Variants in CDH8 observed in about 807,000 individuals in gnomAD.
The protein encoded by CDH8 is cadherin-8.
A neutral mutation model predicts 68.1 loss-of-function variants in CDH8; 17 were observed. That is an observed-to-expected ratio of 0.25 (90% confidence interval 0.17 to 0.37). The LOEUF (loss-of-function observed/expected upper bound fraction) is 0.37. Ranked by LOEUF, CDH8 falls within the 10% of genes least tolerant of loss-of-function variation. CDH8 has a pLI of 1.00. For synonymous variants in CDH8, 372 were observed against 365.1 expected, an observed-to-expected ratio of 1.02 and a Z score of -0.21; for missense variants, 763 against 999.3, an observed-to-expected ratio of 0.76 and a Z score of 3.19.
intron 8 of CDH8, among the ~76,000 whole-genome samples, chr16:61,728,725 T>C (rs1370233847): frequency 6.6e-6 from 1 of 151,128 alleles, no homozygotes; most frequent in Non-Finnish European, 1.5e-5. Context: ...TACTTCCGTT[T>C]TCCAGCCTGA....
At chr16:61,901,143 C>T (rs1209380400) in intron 3 of CDH8, 36 bp downstream of exon 3, 2 of 1,573,460 alleles carry the variant, frequency 1.3e-6, no homozygotes, top group Admixed American at 1.7e-5. Context: ...CTAAAGATGA[C>T]TTTTAATAGA....
chr16:61,884,697 T>C (rs1470085316), intron 3 of CDH8, among the ~76,000 whole-genome samples: 2 of 152,164 alleles, frequency 1.3e-5, no homozygotes, highest in Non-Finnish European at 2.9e-5. Flanking sequence ...TTGACAACAT[T>C]GCCTTCTATT....
At chr16:61,989,443 T>C (rs910522305) in intron 2 of CDH8, among the ~76,000 whole-genome samples, 1 of 152,150 alleles carries the variant, frequency 6.6e-6, no homozygotes, top group Non-Finnish European at 1.5e-5. Context: ...ACATTGAGAT[T>C]CACCGTAACT....
At chr16:62,033,879 T>A (rs913150672) in intron 1 of CDH8, among the ~76,000 whole-genome samples, 4 of 145,434 alleles carry the variant, frequency 2.8e-5, no homozygotes, top group Non-Finnish European at 6.0e-5. Context: ...AAAAAAAAAA[T>A]CAAAGGCGAT....
intron 3 of CDH8, among the ~76,000 whole-genome samples, chr16:61,866,471 G>A (rs538956508): frequency 1.1e-4 from 16 of 151,784 alleles, no homozygotes; most frequent in Non-Finnish European, 2.1e-4. Context: ...GTATTTTCTC[G>A]AAGGCAGCAT....
intron 8 of CDH8, among the ~76,000 whole-genome samples, chr16:61,761,237 T>C (rs1318045126): frequency 6.6e-6 from 1 of 152,206 alleles, no homozygotes; most frequent in Non-Finnish European, 1.5e-5. Flanking sequence ...CCAATTTCAG[T>C]GTTTCAAACA....
At chr16:61,924,972 G>A (rs1290581040) in intron 2 of CDH8, among the ~76,000 whole-genome samples, 4 of 152,174 alleles carry the variant, frequency 2.6e-5, no homozygotes, top group Admixed American at 1.3e-4. Context: ...CAACCAGGTA[G>A]AGGGTGTTAC....
At chr16:62,011,039 A>T (rs1187645599) in intron 2 of CDH8, among the ~76,000 whole-genome samples, 17 of 146,954 alleles carry the variant, frequency 1.2e-4, no homozygotes, top group African/African-American at 3.2e-4. Context: ...CACAGAAAAA[A>T]AAATAAATAA....
intron 2 of CDH8, among the ~76,000 whole-genome samples, chr16:61,982,251 G>T (rs1449793413): frequency 6.6e-6 from 1 of 151,626 alleles, no homozygotes; most frequent in African/African-American, 2.4e-5. Flanking sequence ...ACAGAGTCTC[G>T]CTCTATCGCC....
intron 10 of CDH8, among the ~76,000 whole-genome samples, chr16:61,710,130 G>A (rs893732138): frequency 6.6e-6 from 1 of 152,096 alleles, no homozygotes. Flanking sequence ...GCCAGGCATT[G>A]TGCCAATTGA....
chr16:61,862,028 G>A (rs1399463990), intron 3 of CDH8, among the ~76,000 whole-genome samples: 1 of 151,738 alleles, frequency 6.6e-6, no homozygotes, highest in Non-Finnish European at 1.5e-5. Context: ...TAAATTTGGG[G>A]GGAAACACAA....
At chr16:61,841,534 TG>T (rs1362166581) in intron 4 of CDH8, among the ~76,000 whole-genome samples, 4 of 152,218 alleles carry the variant, frequency 2.6e-5, no homozygotes, top group Admixed American at 6.5e-5. Flanking sequence ...AGTAAGGGGC[TG>T]GGGAGGGAGT....
At position 61,654,071 on chromosome 16, in the gene CDH8, C is replaced by T. The variant is rs1161696522; in HGVS notation, c.1937G>A (p.Arg646Gln). The change falls in exon 12 of 12, where the codon CGG (arginine) becomes CAG (glutamine). Residue 646 changes from arginine (R) to glutamine (Q), a missense_variant. This residue lies in a region of CDH8 where 397 missense variants were observed against 436.2 expected (regional missense o/e 0.91). Coordinates refer to ENST00000577390, the MANE Select transcript of CDH8 (RefSeq NM_001796.5). Reference protein sequence around the residue: ...VIVVLFVTLRRHKNEPLIIKD... With the variant: ...VIVVLFVTLRQHKNEPLIIKD... ...GATAATTAATGGTTCATTTTTATGCCGCCGTAGAGTTACAAACAGCACCAC... is the reference window on the plus strand; with the variant it reads ...GATAATTAATGGTTCATTTTTATGCTGCCGTAGAGTTACAAACAGCACCAC... The T allele has an allele frequency of 7.4e-6, 12 of 1,613,616 alleles. No homozygotes were observed. Among genetic ancestry groups the T allele is most frequent in the African/African-American group, 4.0e-5 (3 of 74,788 alleles).
At chr16:61,686,328 G>A (rs1321431815) in intron 10 of CDH8, among the ~76,000 whole-genome samples, 2 of 151,856 alleles carry the variant, frequency 1.3e-5, no homozygotes, top group African/African-American at 2.4e-5. Context: ...AGTCACCTAC[G>A]CTATACAGGG....
At chr16:62,008,533 G>A (rs1901725742) in intron 2 of CDH8, among the ~76,000 whole-genome samples, 1 of 151,884 alleles carries the variant, frequency 6.6e-6, no homozygotes, top group African/African-American at 2.4e-5. Flanking sequence ...GGGTCTCGCT[G>A]TGTTGCCCAT....
rs1341551536 is a variant in CDH8 at position 61,648,689 on chromosome 16, T to A, written c.*4919A>T. The A allele has an allele frequency of 5.3e-5, 8 of 151,980 alleles. No individual in the cohort carries two copies. Among genetic ancestry groups the A allele is most frequent in the Non-Finnish European group, 7.4e-5 (5 of 67,924 alleles). The allele number at this position is 151,980 out of a possible 1,614,324, so 9.4% of individuals were successfully genotyped here. A position where few individuals can be genotyped will look rare whatever the true frequency, so the allele number is the denominator to read the frequency against. ...TAAATAAAGAAAATAAGTTTGAGAA[T>A]GCTACTGTATTTAATCTTTCTGTAT... On this transcript the variant is annotated 3_prime_UTR_variant, in exon 12 of 12. Coordinates refer to ENST00000577390, the MANE Select transcript of CDH8 (RefSeq NM_001796.5).
At chr16:61,851,680 A>G (rs1402404630) in intron 4 of CDH8, among the ~76,000 whole-genome samples, 1 of 152,192 alleles carries the variant, frequency 6.6e-6, no homozygotes, top group South Asian at 2.1e-4. Context: ...CATTTTAAGA[A>G]TACAAGTAAA....
At chr16:61,743,824 C>T (rs1351696975) in intron 8 of CDH8, among the ~76,000 whole-genome samples, 1 of 152,096 alleles carries the variant, frequency 6.6e-6, no homozygotes, top group Admixed American at 6.6e-5. Flanking sequence ...TAACTCTATT[C>T]CACATGATTT....
chr16:61,997,543 T>C (rs1410488923), intron 2 of CDH8, among the ~76,000 whole-genome samples: 1 of 152,160 alleles, frequency 6.6e-6, no homozygotes, highest in Non-Finnish European at 1.5e-5. Flanking sequence ...ATGCTAAAAC[T>C]ATTGGATGAA....
Sources: allele counts gnomAD v4.1 joint callset (sites outside exome capture counted in the v4.1 genomes callset), GRCh38; gene constraint gnomAD v4.1.1; regional missense constraint gnomAD v4.1.1; transcripts MANE v1.5; gene names NCBI Gene and HGNC (gene_info 2026-07-23, HGNC 2026-07-21).